Variants in MB21D2 observed in about 807,000 individuals in gnomAD.
The protein encoded by MB21D2 is Mab-21 domain containing 2.
A neutral mutation model predicts 33.3 loss-of-function variants in MB21D2; 9 were observed. The ratio of observed to expected loss-of-function variants is 0.27; its 90% confidence interval spans 0.16 to 0.47. The LOEUF is 0.47. MB21D2 is among the 20% of genes least tolerant of loss of function. The probability of loss-of-function intolerance (pLI) is 0.99; values close to 1 mark genes in which losing one functional copy is unlikely to be tolerated. For synonymous variants in MB21D2, 241 were observed against 236.3 expected, an observed-to-expected ratio of 1.02 and a Z score of -0.18; for missense variants, 540 against 624.6, an observed-to-expected ratio of 0.86 and a Z score of 1.44.
At chr3:192,891,619 C>T (rs1418094116) in intron 1 of MB21D2, among the ~76,000 whole-genome samples, 1 of 152,086 alleles carries the variant, frequency 6.6e-6, no homozygotes, top group African/African-American at 2.4e-5. Flanking sequence ...TAACATGATG[C>T]CTGGCACCTA....
At chr3:192,888,371 C>T (rs1299056389) in intron 1 of MB21D2, among the ~76,000 whole-genome samples, 2 of 152,068 alleles carry the variant, frequency 1.3e-5, no homozygotes, top group Admixed American at 6.5e-5. Context: ...GAAGGTTAAA[C>T]GCAGTATATC....
chr3:192,856,677 C>T (rs1712925422), intron 1 of MB21D2, among the ~76,000 whole-genome samples: 1 of 152,120 alleles, frequency 6.6e-6, no homozygotes, highest in Non-Finnish European at 1.5e-5. Context: ...CCTCAGCCTC[C>T]GAAGTAGCTG....
intron 1 of MB21D2, among the ~76,000 whole-genome samples, chr3:192,823,768 A>G (rs1325312079): frequency 6.6e-6 from 1 of 152,252 alleles, no homozygotes; most frequent in African/African-American, 2.4e-5. Flanking sequence ...AGGTTAATTT[A>G]GAACTCCAGT....
intron 1 of MB21D2, among the ~76,000 whole-genome samples, chr3:192,871,780 G>T (rs955139540): frequency 2.0e-5 from 3 of 152,024 alleles, no homozygotes; most frequent in Non-Finnish European, 4.4e-5. Flanking sequence ...ACTATAGAGG[G>T]AAGTGACATG....
At chr3:192,885,688 GCTCT>G (rs1009044771) in intron 1 of MB21D2, among the ~76,000 whole-genome samples, 1 of 152,108 alleles carries the variant, frequency 6.6e-6, no homozygotes, top group South Asian at 2.1e-4. Flanking sequence ...CAATGTGCAG[GCTCT>G]CTGAGTAGAA....
At chr3:192,894,766 T>C (rs1157710061) in intron 1 of MB21D2, among the ~76,000 whole-genome samples, 1 of 152,090 alleles carries the variant, frequency 6.6e-6, no homozygotes, top group African/African-American at 2.4e-5. Context: ...CATTCTTCCA[T>C]CTCTCACCTG....
chr3:192,877,815 T>G (rs116206356), intron 1 of MB21D2, among the ~76,000 whole-genome samples: 1 of 152,182 alleles, frequency 6.6e-6, no homozygotes, highest in Non-Finnish European at 1.5e-5. Flanking sequence ...CAGACTGATA[T>G]ATGTGCTCTG....
At chr3:192,843,613 T>C (rs776444770) in intron 1 of MB21D2, among the ~76,000 whole-genome samples, 1 of 152,124 alleles carries the variant, frequency 6.6e-6, no homozygotes, top group Non-Finnish European at 1.5e-5. Context: ...CTGTATACAG[T>C]ATGTACATAT....
intron 1 of MB21D2, among the ~76,000 whole-genome samples, chr3:192,900,979 C>T (rs2886871): frequency 0.53 from 79,609 of 150,694 alleles, 21,259 homozygotes; most frequent in Non-Finnish European, 0.54. Flanking sequence ...GTCTCCAAGG[C>T]CTCTGTTGAA....
At chr3:192,878,257 C>T (rs1713484666) in intron 1 of MB21D2, among the ~76,000 whole-genome samples, 1 of 152,086 alleles carries the variant, frequency 6.6e-6, no homozygotes, top group Non-Finnish European at 1.5e-5. Flanking sequence ...GACAAAATGA[C>T]TTCAAAAGGC....
At chr3:192,892,815 G>A (rs565598847) in intron 1 of MB21D2, among the ~76,000 whole-genome samples, 1 of 152,076 alleles carries the variant, frequency 6.6e-6, no homozygotes, top group African/African-American at 2.4e-5. Flanking sequence ...AAAGCAGAAC[G>A]TAGCTCTATA....
chr3:192,865,851 G>A (rs1713156010), intron 1 of MB21D2, among the ~76,000 whole-genome samples: 1 of 152,052 alleles, frequency 6.6e-6, no homozygotes, highest in African/African-American at 2.4e-5. Flanking sequence ...TTTGAGAACA[G>A]CCTAGGCAAC....
intron 1 of MB21D2, among the ~76,000 whole-genome samples, chr3:192,801,545 T>A (rs1193891253): frequency 6.6e-6 from 1 of 152,060 alleles, no homozygotes. Context: ...GGCGTGAGAG[T>A]GGAACCCTCA....
chr3:192,798,346 C>A lies in MB21D2; in HGVS notation c.*40G>T. 2 of 1,592,820 alleles carry A rather than the reference C, an allele frequency of 1.3e-6. No homozygotes were observed. Among genetic ancestry groups the A allele is most frequent in the South Asian group, 1.1e-5 (1 of 88,506 alleles). On this transcript the variant is annotated 3_prime_UTR_variant, in exon 2 of 2. Transcript: ENST00000392452. The surrounding 1 kb of genome is among the most constrained non-coding windows in gnomAD (Gnocchi z 4.8). ...CATCACAAACCACACGACACATTATCAGAGTTTAAGAATCAGGAAAAAAAA... is the reference window on the plus strand; with the variant it reads ...CATCACAAACCACACGACACATTATAAGAGTTTAAGAATCAGGAAAAAAAA...
At chr3:192,871,821 G>C (rs1713309376) in intron 1 of MB21D2, among the ~76,000 whole-genome samples, 2 of 152,030 alleles carry the variant, frequency 1.3e-5, no homozygotes, top group South Asian at 4.2e-4. Context: ...TGACATGATG[G>C]GGACAACACT....
At chr3:192,871,672 A>G (rs984101705) in intron 1 of MB21D2, among the ~76,000 whole-genome samples, 2 of 152,198 alleles carry the variant, frequency 1.3e-5, no homozygotes, top group Non-Finnish European at 2.9e-5. Context: ...AAAAAAACTC[A>G]GAGCCAAGAG....
At chr3:192,877,799 G>C (rs976967836) in intron 1 of MB21D2, among the ~76,000 whole-genome samples, 1 of 152,150 alleles carries the variant, frequency 6.6e-6, no homozygotes. Flanking sequence ...TCACATGCAA[G>C]TACTGCAGAC....
chr3:192,887,614 G>A (rs1212304473), intron 1 of MB21D2, among the ~76,000 whole-genome samples: 1 of 152,024 alleles, frequency 6.6e-6, no homozygotes, highest in African/African-American at 2.4e-5. Flanking sequence ...AAGGTATATG[G>A]GGGTTCATTA....
chr3:192,882,674 C>G (rs1411270919), intron 1 of MB21D2, among the ~76,000 whole-genome samples: 1 of 151,694 alleles, frequency 6.6e-6, no homozygotes, highest in Non-Finnish European at 1.5e-5. Context: ...AATTTCTCTG[C>G]CTGGTAGAAC....
Sources: gnomAD v4.1 joint callset for allele counts (sites outside exome capture counted in the v4.1 genomes callset) on GRCh38, gnomAD v4.1.1 for gene constraint, Gnocchi (gnomAD v3.1) non-coding constraint, MANE v1.5 for transcripts, NCBI Gene and HGNC (gene_info 2026-07-23, HGNC 2026-07-21) for gene names.